Variants in ENTREP2 observed in about 807,000 individuals in gnomAD.
The protein encoded by ENTREP2 is endosomal transmembrane epsin interactor 2.
At chr15:29,260,537 C>T in the ENTREP2 span, among the ~76,000 whole-genome samples, 4 of 152,180 alleles carry the variant, frequency 2.6e-5, no homozygotes, top group Non-Finnish European at 4.4e-5. Flanking sequence ...AAAAGCACAT[C>T]ATCATCTCAA....
the ENTREP2 span, among the ~76,000 whole-genome samples, chr15:29,473,890 C>T: frequency 5.6e-4 from 85 of 152,296 alleles, no homozygotes; most frequent in Admixed American, 1.7e-3. Flanking sequence ...AGGAGGCCCC[C>T]GGAGGCTCCA....
chr15:29,372,138 G>A, the ENTREP2 span, among the ~76,000 whole-genome samples: 1 of 152,014 alleles, frequency 6.6e-6, no homozygotes, highest in Non-Finnish European at 1.5e-5. Flanking sequence ...AACAACACAG[G>A]TTTGGACTGC....
the ENTREP2 span, among the ~76,000 whole-genome samples, chr15:29,552,733 C>CA: frequency 6.6e-6 from 1 of 151,944 alleles, no homozygotes; most frequent in Admixed American, 6.6e-5. Flanking sequence ...GTCTACAAAA[C>CA]AAGAGAATCC....
At chr15:29,671,501 T>G in the ENTREP2 span, among the ~76,000 whole-genome samples, 3 of 152,184 alleles carry the variant, frequency 2.0e-5, no homozygotes, top group Non-Finnish European at 4.4e-5. Context: ...AGTGTCAGAA[T>G]TGAATTGAAT....
the ENTREP2 span, among the ~76,000 whole-genome samples, chr15:29,452,358 G>C: frequency 1.1e-3 from 161 of 152,332 alleles, no homozygotes; most frequent in Non-Finnish European, 1.8e-3. Flanking sequence ...CCAGAGAAGG[G>C]AAGCCATAGC....
At chr15:29,613,149 TGCCCA>T in the ENTREP2 span, 6 of 155,168 alleles carry the variant, frequency 3.9e-5, no homozygotes, top group African/African-American at 7.2e-5. Flanking sequence ...TACAGCCTTA[TGCCCA>T]GCACAGGGAG....
At chr15:29,383,596 A>G in the ENTREP2 span, among the ~76,000 whole-genome samples, 1 of 152,162 alleles carries the variant, frequency 6.6e-6, no homozygotes, top group African/African-American at 2.4e-5. Flanking sequence ...TGAGACTCCA[A>G]AAGCACTGGC....
the ENTREP2 span, among the ~76,000 whole-genome samples, chr15:29,620,114 T>C: frequency 4.6e-5 from 7 of 152,070 alleles, no homozygotes; most frequent in African/African-American, 1.7e-4. Flanking sequence ...GTTTTTTGCT[T>C]CTGTGCCTGG....
chr15:29,642,998 T>C, the ENTREP2 span, among the ~76,000 whole-genome samples: 1 of 152,152 alleles, frequency 6.6e-6, no homozygotes, highest in African/African-American at 2.4e-5. Context: ...TCATTCCACA[T>C]GCAAAACTGA....
the ENTREP2 span, among the ~76,000 whole-genome samples, chr15:29,635,316 T>C: frequency 6.6e-6 from 1 of 152,158 alleles, no homozygotes; most frequent in South Asian, 2.1e-4. Flanking sequence ...AGTCAGTTCA[T>C]TCATGTGCAA....
the ENTREP2 span, among the ~76,000 whole-genome samples, chr15:29,571,117 C>T: frequency 1.4e-5 from 2 of 147,752 alleles, no homozygotes; most frequent in Middle Eastern, 3.6e-3. Context: ...GGGGCGGGAG[C>T]GGGAGCCGGG....
the ENTREP2 span, among the ~76,000 whole-genome samples, chr15:29,440,989 A>G: frequency 6.6e-6 from 1 of 152,332 alleles, no homozygotes; most frequent in East Asian, 1.9e-4. Context: ...CAAAAGAACA[A>G]AAGAAGGGAG....
chr15:29,261,034 G>A, the ENTREP2 span, among the ~76,000 whole-genome samples: 1 of 151,976 alleles, frequency 6.6e-6, no homozygotes, highest in African/African-American at 2.4e-5. Flanking sequence ...AATAGATTAC[G>A]CAATAAAAAT....
At chr15:29,274,920 G>A in the ENTREP2 span, among the ~76,000 whole-genome samples, 38 of 152,160 alleles carry the variant, frequency 2.5e-4, no homozygotes, top group Non-Finnish European at 4.6e-4. Context: ...AAATTATGTG[G>A]GGAGGATAAA....
At chr15:29,208,595 G>C in the ENTREP2 span, among the ~76,000 whole-genome samples, 2 of 152,188 alleles carry the variant, frequency 1.3e-5, no homozygotes, top group Non-Finnish European at 2.9e-5. Flanking sequence ...CCCCTGGTGG[G>C]AGTGAAAATT....
At chr15:29,429,149 A>G in the ENTREP2 span, among the ~76,000 whole-genome samples, 2 of 147,742 alleles carry the variant, frequency 1.4e-5, no homozygotes, top group South Asian at 4.3e-4. Context: ...TGAGATGTCT[A>G]TCTGTCCATC....
chr15:29,568,001 G>T, the ENTREP2 span, among the ~76,000 whole-genome samples: 2 of 152,114 alleles, frequency 1.3e-5, no homozygotes, highest in Non-Finnish European at 2.9e-5. Context: ...CCTTGGCAAG[G>T]CAGTTGCACC....
the ENTREP2 span, chr15:29,123,677 G>T: frequency 6.5e-6 from 10 of 1,541,698 alleles, no homozygotes; most frequent in Non-Finnish European, 8.8e-6. Flanking sequence ...GGGCAAAAGT[G>T]CAGTTCAAAA....
chr15:29,271,655 C>T, the ENTREP2 span, among the ~76,000 whole-genome samples: 1 of 151,976 alleles, frequency 6.6e-6, no homozygotes, highest in African/African-American at 2.4e-5. Flanking sequence ...GTGCATGTAG[C>T]CCCTGTCACA....
Sources: allele counts gnomAD v4.1 joint callset (sites outside exome capture counted in the v4.1 genomes callset), GRCh38; gene constraint gnomAD v4.1.1; transcripts MANE v1.5; gene names NCBI Gene and HGNC (gene_info 2026-07-23, HGNC 2026-07-21).